Variants in CADPS2 observed in about 807,000 individuals in gnomAD.
The protein encoded by CADPS2 is calcium-dependent secretion activator 2.
In CADPS2, 93 loss-of-function variants were observed where a neutral mutation model predicts 172.5. That is an observed-to-expected ratio of 0.54 (90% CI 0.46 to 0.64). The LOEUF is 0.64. CADPS2 is among the 30% of genes least tolerant of loss of function. The pLI is 0.00. For missense variants in CADPS2, 1,420 were observed against 1,565.9 expected (o/e 0.91, Z 1.57); for synonymous variants, 546 against 555.2 (o/e 0.98, Z 0.23).
At chr7:122,554,327 C>G (rs147907913) in intron 8 of CADPS2, among the ~76,000 whole-genome samples, 67 of 152,174 alleles carry the variant, frequency 4.4e-4, no homozygotes, top group African/African-American at 1.5e-3. Flanking sequence ...GTTCCAATAT[C>G]GTGGTAGCTC....
chr7:122,683,771 T>C (rs1416958907), intron 2 of CADPS2, among the ~76,000 whole-genome samples: 1 of 151,616 alleles, frequency 6.6e-6, no homozygotes, highest in Non-Finnish European at 1.5e-5. Context: ...AGATTCCCAG[T>C]TGGGGCTGCT....
Position 122,615,290 on chromosome 7 carries a change from T to C in CADPS2, c.1114A>G (p.Met372Val), listed in dbSNP as rs753794381. ...VLSFTLEIVI[M>V]EVQGLKSVAP... ...ACTGACTTCAGGCCTTGCACTTCCA[T>C]TATGACAATCTAAAGATAAAATGAT... The change falls in exon 6 of 30, where the codon ATG becomes GTG. Residue 372 changes from methionine to valine, a missense_variant. Met to Val is a conservative substitution (Grantham distance 21, BLOSUM62 1). Coordinates refer to ENST00000449022, the MANE Select transcript of CADPS2 (RefSeq NM_017954.11). 3 of 1,535,788 alleles carry C rather than the reference T, an allele frequency of 2.0e-6. No homozygotes were observed. Among genetic ancestry groups the C allele is most frequent in the Admixed American group, 2.0e-5 (1 of 51,018 alleles).
chr7:122,735,595 A>C (rs562842043), intron 2 of CADPS2, among the ~76,000 whole-genome samples: 1 of 152,228 alleles, frequency 6.6e-6, no homozygotes, highest in East Asian at 1.9e-4. Flanking sequence ...TTATTTTGAA[A>C]TATTCTAGGT....
intron 2 of CADPS2, among the ~76,000 whole-genome samples, chr7:122,691,072 T>C (rs2084290148): frequency 2.0e-5 from 3 of 152,236 alleles, no homozygotes; most frequent in African/African-American, 7.2e-5. Flanking sequence ...GTACTCAGCA[T>C]ACTCCGCTGC....
intron 9 of CADPS2, among the ~76,000 whole-genome samples, chr7:122,505,310 TTATGC>T (rs1208802837): frequency 6.6e-6 from 1 of 152,198 alleles, no homozygotes; most frequent in Non-Finnish European, 1.5e-5. Context: ...AGTTGCTGTT[TTATGC>T]TATAAGTATT....
intron 24 of CADPS2, among the ~76,000 whole-genome samples, chr7:122,381,758 G>GGGGA (rs1170496433): frequency 2.0e-5 from 3 of 152,008 alleles, no homozygotes. Context: ...AGGAAGAGAT[G>GGGGA]GGGAGGGAGG....
intron 20 of CADPS2, among the ~76,000 whole-genome samples, chr7:122,396,049 A>T (rs906843845): frequency 1.3e-5 from 2 of 152,258 alleles, no homozygotes; most frequent in South Asian, 4.1e-4. Flanking sequence ...ACCTCAGGTG[A>T]TCCACCCGCC....
rs148166304 is a variant in CADPS2, at chr7:122,664,163, G to A, written c.454-594C>T. Among the ~76,000 whole-genome samples, 564 of 152,022 alleles carry A rather than the reference G, an allele frequency of 3.7e-3. 1 individual carries two copies. Among genetic ancestry groups the A allele is most frequent in the African/African-American group, 0.013 (547 of 41,456 alleles). The stretch of plus-strand genomic sequence containing the variant: ...GAGAGTTCTAGCTGGTTTTTCAGCA[G>A]GGAAAGAATCATGTATTATTTGAGT... On this transcript the variant is annotated intron_variant, in intron 2 of 29. Transcript: ENST00000449022.
At chr7:122,852,301 A>C (rs1369462842) in intron 1 of CADPS2, among the ~76,000 whole-genome samples, 8 of 152,228 alleles carry the variant, frequency 5.3e-5, no homozygotes, top group African/African-American at 1.9e-4. Context: ...ATTCAACTAC[A>C]ACATGTGCTA....
intron 7 of CADPS2, among the ~76,000 whole-genome samples, chr7:122,556,072 A>G (rs965981568): frequency 6.6e-6 from 1 of 152,092 alleles, no homozygotes; most frequent in Non-Finnish European, 1.5e-5. Context: ...CAGCATATCT[A>G]TATACTCAAG....
intron 1 of CADPS2, among the ~76,000 whole-genome samples, chr7:122,791,790 C>T (rs1334946222): frequency 6.6e-6 from 1 of 152,030 alleles, no homozygotes; most frequent in Non-Finnish European, 1.5e-5. Flanking sequence ...TCAGAAATTA[C>T]CAATAAAAAA....
At chr7:122,719,372 C>A (rs2090091026) in intron 2 of CADPS2, among the ~76,000 whole-genome samples, 1 of 150,930 alleles carries the variant, frequency 6.6e-6, no homozygotes, top group African/African-American at 2.4e-5. Flanking sequence ...CCCACTTCCT[C>A]CGACTATCTG....
intron 13 of CADPS2, among the ~76,000 whole-genome samples, chr7:122,473,270 C>T (rs569570216): frequency 2.6e-5 from 4 of 152,210 alleles, no homozygotes; most frequent in African/African-American, 9.6e-5. Context: ...TGTTTCTGTA[C>T]CTTACTTCTG....
chr7:122,880,217 T>A (rs1822514833), intron 1 of CADPS2, among the ~76,000 whole-genome samples: 1 of 152,178 alleles, frequency 6.6e-6, no homozygotes. Flanking sequence ...CATTCTGGAA[T>A]GGAAAGCAAC....
At chr7:122,756,946 C>T (rs1019479716) in intron 1 of CADPS2, among the ~76,000 whole-genome samples, 5 of 151,792 alleles carry the variant, frequency 3.3e-5, no homozygotes, top group African/African-American at 1.2e-4. Flanking sequence ...CTACAGAACC[C>T]AATCTCAAGT....
At chr7:122,401,859 G>T (rs112196785) in intron 20 of CADPS2, among the ~76,000 whole-genome samples, 1 of 151,922 alleles carries the variant, frequency 6.6e-6, no homozygotes, top group Non-Finnish European at 1.5e-5. Context: ...GTGAGGGGTG[G>T]GACATTGGGG....
rs764116524 is a variant in CADPS2, at chr7:122,886,366, C to G, written c.-29G>C. The G allele has an allele frequency of 5.4e-6, 8 of 1,487,738 alleles. No individual in the cohort carries two copies. The South Asian group carries it at 8.8e-5, about 16-fold the overall frequency. 92.2% of individuals were successfully genotyped at this position (1,487,738 alleles called of 1,614,324 possible). A position where few individuals can be genotyped will look rare whatever the true frequency, so the allele number is the denominator to read the frequency against. ...GCTCGGGGATCCCCGCCGCTCGGCC[C>G]GCGGTCCCCAAGCGCCTCACCCCCG... On this transcript the variant is annotated 5_prime_UTR_variant, in exon 1 of 30. Transcript: ENST00000449022.
intron 17 of CADPS2, among the ~76,000 whole-genome samples, chr7:122,430,765 CAAGA>C (rs1159559618): frequency 1.3e-5 from 2 of 152,114 alleles, no homozygotes; most frequent in Non-Finnish European, 2.9e-5. Context: ...AAATAATTCC[CAAGA>C]AAGAAAGAAG....
intron 2 of CADPS2, among the ~76,000 whole-genome samples, chr7:122,719,187 T>A (rs2090064800): frequency 3.3e-5 from 5 of 151,694 alleles, no homozygotes; most frequent in Admixed American, 3.3e-4. Context: ...GTGGGACAGC[T>A]TGACTGGTGC....
Sources: gnomAD v4.1 joint callset for allele counts (sites outside exome capture counted in the v4.1 genomes callset) on GRCh38, gnomAD v4.1.1 for gene constraint, MANE v1.5 for transcripts, NCBI Gene and HGNC (gene_info 2026-07-23, HGNC 2026-07-21) for gene names.